The following TGM2 variants were observed in gnomAD, a reference collection of about 807,000 sequenced individuals.
The protein encoded by TGM2 is protein-glutamine gamma-glutamyltransferase 2.
A neutral mutation model predicts 75.6 loss-of-function variants in TGM2; 53 were observed. That is an observed-to-expected ratio of 0.70 (90% confidence interval 0.56 to 0.88). The LOEUF (loss-of-function observed/expected upper bound fraction) is 0.88. Ranked by LOEUF, TGM2 falls within the 40% of genes least tolerant of loss-of-function variation. The probability of loss-of-function intolerance (pLI) is 0.00; values close to 1 mark genes in which losing one functional copy is unlikely to be tolerated. For synonymous variants in TGM2, 374 were observed against 381.1 expected (o/e 0.98, Z 0.22); for missense variants, 842 against 928.5 (o/e 0.91, Z 1.21).
intron 1 of TGM2, among the ~76,000 whole-genome samples, chr20:38,162,980 G>T (rs1452189629): frequency 6.6e-6 from 1 of 152,210 alleles, no homozygotes; most frequent in Non-Finnish European, 1.5e-5. Flanking sequence ...GCCTGGATAA[G>T]TGTCTCTCCC....
intron 10 of TGM2, among the ~76,000 whole-genome samples, chr20:38,137,717 T>C (rs574047320): frequency 1.3e-4 from 20 of 152,202 alleles, no homozygotes; most frequent in Admixed American, 1.3e-4. Context: ...TGCTGAGGCA[T>C]GAGGGGCTGG....
intron 2 of TGM2, among the ~76,000 whole-genome samples, chr20:38,157,111 G>T (rs781172195): frequency 6.6e-6 from 1 of 152,168 alleles, no homozygotes; most frequent in Non-Finnish European, 1.5e-5. Flanking sequence ...CTGGCTGGGC[G>T]GGTGCCCAGG....
chr20:38,167,105 A>G (rs768659727), upstream of TGM2, among the ~76,000 whole-genome samples: 4 of 152,136 alleles, frequency 2.6e-5, no homozygotes, highest in African/African-American at 4.8e-5. Flanking sequence ...TGAGCATGCA[A>G]TAACTGGGGC....
At chr20:38,137,049 C>T (rs1462553364) in intron 10 of TGM2, among the ~76,000 whole-genome samples, 1 of 152,152 alleles carries the variant, frequency 6.6e-6, no homozygotes, top group East Asian at 1.9e-4. Context: ...GCTGGGGACA[C>T]TGGAGAGGGA....
At chr20:38,146,335 T>A in intron 6 of TGM2, 1 of 360,352 alleles carries the variant, frequency 2.8e-6, no homozygotes, top group Admixed American at 4.0e-5. Flanking sequence ...GGTCTTGATG[T>A]TGTCCCCATT....
intron 2 of TGM2, among the ~76,000 whole-genome samples, chr20:38,159,055 G>A (rs1025069550): frequency 1.3e-5 from 2 of 152,318 alleles, no homozygotes; most frequent in East Asian, 3.9e-4. Context: ...TTTGAGATAA[G>A]TTGGTGGAGA....
chr20:38,133,087 G>C (rs1033175950), intron 10 of TGM2: 2 of 355,070 alleles, frequency 5.6e-6, no homozygotes, highest in Middle Eastern at 2.0e-3. Context: ...CGTTGTCCTA[G>C]GTCACACAGC....
intron 12 of TGM2, among the ~76,000 whole-genome samples, chr20:38,130,769 A>G (rs1185644837): frequency 1.3e-5 from 2 of 152,232 alleles, no homozygotes; most frequent in Non-Finnish European, 2.9e-5. Context: ...CCACGCATGC[A>G]TATGTGTGTG....
chr20:38,159,129 A>T (rs967100678), intron 2 of TGM2, among the ~76,000 whole-genome samples: 7 of 152,110 alleles, frequency 4.6e-5, no homozygotes, highest in South Asian at 2.1e-4. Flanking sequence ...CCCAACCCCA[A>T]ACTCAGGGCC....
At position 38,161,460 on chromosome 20, in the gene TGM2, G is replaced by C; in HGVS notation, c.150C>G (p.Tyr50Ter). 1 of 1,614,182 alleles carries C rather than the reference G, an allele frequency of 6.2e-7. No individual in the cohort carries two copies. Among genetic ancestry groups the C allele is most frequent in the Non-Finnish European group, 8.5e-7 (1 of 1,180,024 alleles). ...WLTLHFEGRN[Y>*]EASVDSLTFS... ...AGGTGAGACTGTCTACACTGGCCTC[G>C]TAGTTGCGGCCCTCAAAGTGCAGGG... The change falls in exon 2 of 13, where the codon TAC becomes TAG. Residue 50 changes from tyrosine (Y) to a stop codon, truncating the protein, a stop_gained. Coordinates refer to ENST00000361475, the MANE Select transcript of TGM2 (RefSeq NM_004613.4). LOFTEE classifies it high-confidence loss of function.
At chr20:38,158,992 T>A (rs375136691) in intron 2 of TGM2, among the ~76,000 whole-genome samples, 7 of 152,310 alleles carry the variant, frequency 4.6e-5, no homozygotes, top group African/African-American at 1.7e-4. Flanking sequence ...ATCTGGGCTC[T>A]TCCGTGGCTG....
chr20:38,155,669 G>A (rs2075175261), intron 3 of TGM2, among the ~76,000 whole-genome samples, 178 bp downstream of exon 3: 1 of 152,150 alleles, frequency 6.6e-6, no homozygotes, highest in African/African-American at 2.4e-5. Flanking sequence ...CTATAAACAG[G>A]GATAACAGGA....
chr20:38,157,308 C>G (rs927768433), intron 2 of TGM2, among the ~76,000 whole-genome samples: 3 of 152,008 alleles, frequency 2.0e-5, no homozygotes, highest in Admixed American at 2.0e-4. Context: ...GCCTCTCAGG[C>G]CCTGTCCAAG....
At chr20:38,149,538 G>T (rs2075088739) in intron 4 of TGM2, among the ~76,000 whole-genome samples, 1 of 152,014 alleles carries the variant, frequency 6.6e-6, no homozygotes, top group South Asian at 2.1e-4. Flanking sequence ...AATTAGCCGG[G>T]TGTGGTGGTG....
chr20:38,130,003 C>A lies in TGM2; in HGVS notation c.*216G>T. The A allele has an allele frequency of 1.6e-6, 1 of 632,612 alleles. No homozygotes were observed. The highest frequency in any genetic ancestry group is 2.7e-6 in the Non-Finnish European group (1 of 368,960). 39.2% of individuals were successfully genotyped at this position (632,612 alleles called of 1,614,324 possible). A position where few individuals can be genotyped will look rare whatever the true frequency, so the allele number is the denominator to read the frequency against. Reference sequence around the variant, plus strand: ...AGGTCAGGGCTCCCACTGTTTCTGGCACAGAGCATTCCTCACAGCAAAGGG... The same window carrying A: ...AGGTCAGGGCTCCCACTGTTTCTGGAACAGAGCATTCCTCACAGCAAAGGG... On this transcript the variant is annotated 3_prime_UTR_variant, in exon 13 of 13. Coordinates refer to ENST00000361475, the MANE Select transcript of TGM2 (RefSeq NM_004613.4).
intron 3 of TGM2, 91 bp from the exon 4 acceptor site, chr20:38,151,148 C>G (rs1022328452): frequency 5.5e-6 from 5 of 902,664 alleles, no homozygotes; most frequent in Non-Finnish European, 9.3e-6. Context: ...ATTCCCTAGG[C>G]CAAGCCAGCG....
intron 1 of TGM2, among the ~76,000 whole-genome samples, chr20:38,164,615 GT>G (rs2075290885): frequency 1.3e-5 from 2 of 152,170 alleles, no homozygotes; most frequent in African/African-American, 2.4e-5. Context: ...TAAGGACACT[GT>G]TGTCCTTATT....
upstream of TGM2, chr20:38,165,408 G>C: frequency 1.5e-6 from 1 of 670,364 alleles, no homozygotes; most frequent in South Asian, 2.0e-5. Context: ...GGCTCACCCA[G>C]GGGACCGGAG....
intron 9 of TGM2, 108 bp downstream of exon 9, chr20:38,139,304 A>C: frequency 1.3e-6 from 2 of 1,525,068 alleles, no homozygotes; most frequent in East Asian, 4.6e-5. Flanking sequence ...CCATTGCTGT[A>C]CGTAGGCTAC....
Sources: gnomAD v4.1 joint callset for allele counts (sites outside exome capture counted in the v4.1 genomes callset) on GRCh38, gnomAD v4.1.1 for gene constraint, MANE v1.5 for transcripts, NCBI Gene and HGNC (gene_info 2026-07-23, HGNC 2026-07-21) for gene names.